RAB27B: variants seen among roughly 807,000 people sequenced by gnomAD.
The protein encoded by RAB27B is ras-related protein Rab-27B.
In RAB27B, 15 loss-of-function variants were observed where a neutral mutation model predicts 24.6. The observed-to-expected ratio is 0.61, with a 90% CI of 0.41 to 0.94. The LOEUF (loss-of-function observed/expected upper bound fraction) is 0.94. Ranked by LOEUF, RAB27B falls within the 40% of genes least tolerant of loss-of-function variation. The pLI is 0.00. For synonymous variants in RAB27B, 105 were observed against 92.5 expected, an observed-to-expected ratio of 1.14 and a Z score of -0.78; for missense variants, 261 against 266.8, an observed-to-expected ratio of 0.98 and a Z score of 0.15.
intron 2 of RAB27B, among the ~76,000 whole-genome samples, chr18:54,797,392 G>T (rs1266999493): frequency 6.6e-6 from 1 of 152,112 alleles, no homozygotes; most frequent in South Asian, 2.1e-4. Context: ...CAGGTGTGGT[G>T]GTATGTGCCT....
intron 2 of RAB27B, among the ~76,000 whole-genome samples, chr18:54,752,881 T>A (rs527336849): frequency 1.1e-4 from 16 of 152,272 alleles, no homozygotes; most frequent in Admixed American, 7.8e-4. Flanking sequence ...GTCTACTTTT[T>A]GTGTCTATCT....
intron 2 of RAB27B, among the ~76,000 whole-genome samples, chr18:54,744,038 A>G (rs1910155032): frequency 6.6e-6 from 1 of 152,196 alleles, no homozygotes; most frequent in East Asian, 1.9e-4. Context: ...ATTTGGGCCA[A>G]GCAATTTGCC....
intron 2 of RAB27B, among the ~76,000 whole-genome samples, chr18:54,806,420 G>A (rs1598918345): frequency 1.3e-5 from 2 of 149,160 alleles, no homozygotes; most frequent in Non-Finnish European, 1.5e-5. Context: ...TCAAGTATAT[G>A]TAGCCAAATG....
At chr18:54,792,791 A>G (rs1188128241) in intron 2 of RAB27B, among the ~76,000 whole-genome samples, 3 of 152,220 alleles carry the variant, frequency 2.0e-5, no homozygotes, top group Non-Finnish European at 4.4e-5. Flanking sequence ...AATTTCTAAC[A>G]AAAAGGTATT....
rs148754087 is a variant in RAB27B at position 54,722,572 on chromosome 18, T to C, written c.-20+4431T>C. ...ATAGTGCACAGCACAGCTTTCAGGC[T>C]CAAGTAGAAGAGGCAATTGATAAAG... On this transcript the variant is annotated intron_variant, in intron 2 of 4. Transcript: ENST00000586570. 3.9e-5 allele frequency among the ~76,000 whole-genome samples: 6 copies of C among 152,238 alleles called. No individual in the cohort carries two copies. In the East Asian group the frequency reaches 1.2e-3, roughly 30 times the overall value.
intron 1 of RAB27B, 74 bp from the exon 2 acceptor site, chr18:54,877,491 TTA>T (rs1912748457): frequency 1.7e-6 from 2 of 1,159,840 alleles, no homozygotes; most frequent in African/African-American, 3.2e-5. Context: ...AAAATTAAAT[TTA>T]TGTCATATTT....
At chr18:54,832,064 G>A (rs554741947) in intron 1 of RAB27B, among the ~76,000 whole-genome samples, 8 of 152,230 alleles carry the variant, frequency 5.3e-5, no homozygotes, top group South Asian at 2.1e-4. Flanking sequence ...GTGAGCCACC[G>A]CGCCTGGCCA....
At chr18:54,874,940 GA>G (rs1185798769) in intron 1 of RAB27B, among the ~76,000 whole-genome samples, 1 of 152,150 alleles carries the variant, frequency 6.6e-6, no homozygotes, top group Non-Finnish European at 1.5e-5. Context: ...TACTATGGCA[GA>G]AAACTTCTCT....
intron 2 of RAB27B, among the ~76,000 whole-genome samples, chr18:54,743,723 C>T (rs1910143315): frequency 6.6e-6 from 1 of 152,150 alleles, no homozygotes; most frequent in South Asian, 2.1e-4. Flanking sequence ...AGATCAGATA[C>T]ACAACAAAGA....
chr18:54,823,705 C>T (rs1843116489), upstream of RAB27B, among the ~76,000 whole-genome samples: 1 of 152,154 alleles, frequency 6.6e-6, no homozygotes. Flanking sequence ...CTTCATTCTG[C>T]ATTTCAATTC....
At chr18:54,862,787 G>A (rs4801103) in intron 1 of RAB27B, among the ~76,000 whole-genome samples, 51,717 of 152,042 alleles carry the variant, frequency 0.34, 10,310 homozygotes, top group Admixed American at 0.43. Flanking sequence ...TCACCAACCT[G>A]CGCTGCTGTT....
intron 5 of RAB27B, 57 bp from the exon 6 acceptor site, chr18:54,889,167 G>T (rs1227717572): frequency 8.8e-6 from 13 of 1,479,952 alleles, no homozygotes; most frequent in Non-Finnish European, 1.2e-5. Flanking sequence ...TGTACATCTT[G>T]CTGTATCTGT....
At chr18:54,868,366 A>C (rs909032508) in intron 1 of RAB27B, among the ~76,000 whole-genome samples, 1 of 152,090 alleles carries the variant, frequency 6.6e-6, no homozygotes, top group African/African-American at 2.4e-5. Flanking sequence ...AATCTTCCTG[A>C]GGCCTCCCCA....
intron 2 of RAB27B, among the ~76,000 whole-genome samples, chr18:54,804,161 T>G (rs1025352291): frequency 6.6e-6 from 1 of 152,182 alleles, no homozygotes; most frequent in Non-Finnish European, 1.5e-5. Flanking sequence ...CTATGCACAT[T>G]AAAGTTTGAC....
rs539931044 is a variant in RAB27B at position 54,882,870 on chromosome 18, T to A, written c.240-1463T>A. 3.9e-4 allele frequency among the ~76,000 whole-genome samples: 60 copies of A among 152,194 alleles called. No individual in the cohort carries two copies. In the South Asian group the frequency reaches 0.012, roughly 31 times the overall value. On this transcript the variant is annotated intron_variant, in intron 3 of 5. Transcript: ENST00000262094. Reference sequence around the variant, plus strand: ...CATTAAAATGTCGTTAGTAGAGCATTGATATAATCTATGGGAAGAAATGGA... The same window carrying A: ...CATTAAAATGTCGTTAGTAGAGCATAGATATAATCTATGGGAAGAAATGGA...
Position 54,855,825 on chromosome 18 carries a change from A to T in RAB27B, c.-19-21742A>T, listed in dbSNP as rs187127974. 4.6e-5 allele frequency among the ~76,000 whole-genome samples: 7 copies of T among 152,348 alleles called. No homozygotes were observed. In the East Asian group the frequency reaches 1.3e-3, roughly 29 times the overall value. Reference sequence around the variant, plus strand: ...TTCAACATACAAGGTACCTTTGAGTAAAGATGCTTTTTCTTATATAAAGTG... The same window carrying T: ...TTCAACATACAAGGTACCTTTGAGTTAAGATGCTTTTTCTTATATAAAGTG... On this transcript the variant is annotated intron_variant, in intron 1 of 5. Transcript: ENST00000262094.
intron 1 of RAB27B, among the ~76,000 whole-genome samples, chr18:54,853,594 T>C (rs1911668862): frequency 6.6e-6 from 1 of 152,202 alleles, no homozygotes; most frequent in Non-Finnish European, 1.5e-5. Flanking sequence ...GAAACTAGGT[T>C]AACTACTTAG....
intron 1 of RAB27B, among the ~76,000 whole-genome samples, chr18:54,857,830 G>A (rs1165145463): frequency 6.6e-6 from 1 of 152,176 alleles, no homozygotes; most frequent in Non-Finnish European, 1.5e-5. Flanking sequence ...AAATGTTGCA[G>A]CTTGCATCCT....
chr18:54,828,905 A>C (rs1297295586), intron 1 of RAB27B, among the ~76,000 whole-genome samples: 1 of 152,218 alleles, frequency 6.6e-6, no homozygotes, highest in African/African-American at 2.4e-5. Context: ...GGCATGGGCC[A>C]ACTCGACCTG....
Sources: allele counts gnomAD v4.1 joint callset (sites outside exome capture counted in the v4.1 genomes callset), GRCh38; gene constraint gnomAD v4.1.1; transcripts MANE v1.5; gene names NCBI Gene and HGNC (gene_info 2026-07-23, HGNC 2026-07-21).